MCC: variants seen among roughly 807,000 people sequenced by gnomAD.
MCC encodes MCC regulator of Wnt signaling pathway.
In MCC, 90 loss-of-function variants were observed where a neutral mutation model predicts 116.2. The ratio of observed to expected loss-of-function variants is 0.77; its 90% confidence interval spans 0.65 to 0.92. MCC has a LOEUF of 0.92. Ranked by LOEUF, MCC falls within the 40% of genes least tolerant of loss-of-function variation. MCC has a pLI of 0.00. For missense variants in MCC, 1,516 were observed against 1,312.2 expected (o/e 1.16, Z -2.40); for synonymous variants, 578 against 510.5 (o/e 1.13, Z -1.78).
At chr5:113,169,435 A>T (rs1760954723) in intron 3 of MCC, among the ~76,000 whole-genome samples, 1 of 152,030 alleles carries the variant, frequency 6.6e-6, no homozygotes. Flanking sequence ...GCCACCCCAC[A>T]CCCTATAACC....
intron 5 of MCC, among the ~76,000 whole-genome samples, chr5:113,129,966 C>A (rs1475713154): frequency 6.6e-6 from 1 of 152,094 alleles, no homozygotes; most frequent in Non-Finnish European, 1.5e-5. Context: ...ACCATTTGAC[C>A]CAGCAATCCC....
At chr5:113,071,019 C>T in intron 12 of MCC, 75 bp downstream of exon 12, 1 of 1,516,534 alleles carries the variant, frequency 6.6e-7, no homozygotes, top group Non-Finnish European at 8.9e-7. Flanking sequence ...AGCCTATTTC[C>T]TACTTTTATT....
chr5:113,147,895 A>G (rs1448855464), intron 4 of MCC, among the ~76,000 whole-genome samples: 1 of 152,258 alleles, frequency 6.6e-6, no homozygotes, highest in African/African-American at 2.4e-5. Flanking sequence ...AACTCTTTCC[A>G]TTTCACTTAA....
At chr5:113,453,097 G>A (rs1203142654) in intron 1 of MCC, among the ~76,000 whole-genome samples, 1 of 152,150 alleles carries the variant, frequency 6.6e-6, no homozygotes, top group Non-Finnish European at 1.5e-5. Flanking sequence ...ATGGGAAGGA[G>A]GTTGTTTATG....
chr5:113,276,649 C>T (rs1364717263), intron 3 of MCC, among the ~76,000 whole-genome samples: 1 of 152,048 alleles, frequency 6.6e-6, no homozygotes, highest in African/African-American at 2.4e-5. Flanking sequence ...TTTTTTGAGA[C>T]AGGGTCTGGC....
chr5:113,153,294 A>G (rs1286300542), intron 3 of MCC, among the ~76,000 whole-genome samples: 1 of 152,086 alleles, frequency 6.6e-6, no homozygotes, highest in Non-Finnish European at 1.5e-5. Context: ...CTTCTGGGGG[A>G]AAGGGCTGCT....
intron 1 of MCC, among the ~76,000 whole-genome samples, chr5:113,406,626 G>T (rs1024742789): frequency 1.6e-4 from 25 of 151,824 alleles, no homozygotes; most frequent in African/African-American, 6.0e-4. Flanking sequence ...TTTTCAAATC[G>T]ATCTAAATAT....
intron 17 of MCC, among the ~76,000 whole-genome samples, chr5:113,040,033 G>A (rs1187517280): frequency 6.6e-6 from 1 of 151,574 alleles, no homozygotes; most frequent in Non-Finnish European, 1.5e-5. Flanking sequence ...AAAATACCCT[G>A]TTAAGAAAAC....
At chr5:113,470,796 C>T (rs552306844) in intron 1 of MCC, among the ~76,000 whole-genome samples, 144 of 152,190 alleles carry the variant, frequency 9.5e-4, no homozygotes, top group African/African-American at 3.3e-3. Flanking sequence ...GTTCCATTCT[C>T]CCTGTCACTT....
chr5:113,231,312 T>C (rs536082677), intron 3 of MCC, among the ~76,000 whole-genome samples: 1 of 152,304 alleles, frequency 6.6e-6, no homozygotes, highest in South Asian at 2.1e-4. Flanking sequence ...CTCTTTAATT[T>C]AGGAGTTCAG....
intron 1 of MCC, among the ~76,000 whole-genome samples, chr5:113,481,733 C>A (rs1462866121): frequency 6.6e-6 from 1 of 151,826 alleles, no homozygotes; most frequent in Non-Finnish European, 1.5e-5. Context: ...AGTGGGACTC[C>A]ATCTCAAAAA....
rs534157449 is a variant in MCC, at chr5:113,323,972, T to A, written c.627+16547A>T. Among the ~76,000 whole-genome samples the A allele has an allele frequency of 5.9e-4, 90 of 152,324 alleles. 1 individual carries two copies. The South Asian group carries it at 0.018, about 31-fold the overall frequency. ...GGCTTACTATCTACTTTTCAGTTAT[T>A]TAGAGGCTCAGAGAAGAATGACCAG... On this transcript the variant is annotated intron_variant, in intron 3 of 18. Transcript: ENST00000408903.
At position 113,477,352 on chromosome 5, in the gene MCC, TACTC is replaced by T. The variant is rs546060293; in HGVS notation, c.170+10889_170+10892del. ...CCAAATAGGCAGGCTCACTTTGAAA[TACTC>T]AGTACAAAGCGAAAGAAGGTCATAA... On this transcript the variant is annotated intron_variant, in intron 1 of 18. Coordinates refer to ENST00000408903, the MANE Select transcript of MCC (RefSeq NM_001085377.2). 1.4e-4 allele frequency among the ~76,000 whole-genome samples: 22 copies of T among 152,268 alleles called. 1 individual carries two copies. In the South Asian group the frequency reaches 4.4e-3, roughly 30 times the overall value.
At chr5:113,437,554 A>T (rs1221127369) in intron 1 of MCC, among the ~76,000 whole-genome samples, 1 of 152,246 alleles carries the variant, frequency 6.6e-6, no homozygotes, top group African/African-American at 2.4e-5. Flanking sequence ...TTTGCATTTT[A>T]CAAAAATCTG....
intron 2 of MCC, among the ~76,000 whole-genome samples, chr5:113,358,700 G>A (rs978641487): frequency 6.6e-6 from 1 of 152,098 alleles, no homozygotes; most frequent in African/African-American, 2.4e-5. Flanking sequence ...GCCACAAGAA[G>A]CATGGGATAA....
At chr5:113,050,722 G>A (rs1213941494) in intron 15 of MCC, among the ~76,000 whole-genome samples, 7 of 152,208 alleles carry the variant, frequency 4.6e-5, no homozygotes, top group Admixed American at 3.9e-4. Context: ...TATAAGTGCA[G>A]GCTTGAAAGA....
chr5:113,095,701 T>A (rs915632117), intron 8 of MCC, among the ~76,000 whole-genome samples: 15 of 142,654 alleles, frequency 1.1e-4, no homozygotes, highest in East Asian at 6.3e-4. Context: ...AAAAAAAAAA[T>A]TTTTTTTTTG....
At chr5:113,107,237 A>C (rs1371036746) in intron 6 of MCC, among the ~76,000 whole-genome samples, 1 of 110,838 alleles carries the variant, frequency 9.0e-6, no homozygotes, top group East Asian at 2.6e-4. Flanking sequence ...TTTTTTTTTG[A>C]GATGGAGTCT....
intron 3 of MCC, among the ~76,000 whole-genome samples, chr5:113,276,196 C>T (rs527845034): frequency 6.6e-6 from 1 of 152,270 alleles, no homozygotes; most frequent in South Asian, 2.1e-4. Flanking sequence ...CTCCAGACAC[C>T]CTGGCAGCAC....
Sources: allele counts gnomAD v4.1 joint callset (sites outside exome capture counted in the v4.1 genomes callset), GRCh38; gene constraint gnomAD v4.1.1; transcripts MANE v1.5; gene names NCBI Gene and HGNC (gene_info 2026-07-23, HGNC 2026-07-21).